Variants in FUT8 observed in about 807,000 individuals in gnomAD.
FUT8 encodes the protein alpha-(1,6)-fucosyltransferase.
Under a neutral mutation model 71.3 loss-of-function variants are expected in FUT8, and 29 were observed. The ratio of observed to expected loss-of-function variants is 0.41; its 90% CI spans 0.30 to 0.55. FUT8 has a LOEUF of 0.55. FUT8 is among the 20% of genes least tolerant of loss of function. The pLI is 0.34. For synonymous variants in FUT8, 254 were observed against 239.3 expected, an observed-to-expected ratio of 1.06 and a Z score of -0.57; for missense variants, 544 against 702.1, an observed-to-expected ratio of 0.77 and a Z score of 2.55.
chr14:65,636,315 A>ATTT (rs56786117), intron 6 of FUT8, among the ~76,000 whole-genome samples: 2,563 of 132,200 alleles, frequency 0.019, 72 homozygotes, highest in African/African-American at 0.061. Flanking sequence ...TATCTTTTGT[A>ATTT]TTTTTTTTTT....
At chr14:65,501,264 G>T (rs574060414) in intron 2 of FUT8, among the ~76,000 whole-genome samples, 1 of 152,300 alleles carries the variant, frequency 6.6e-6, no homozygotes, top group East Asian at 1.9e-4. Flanking sequence ...TTAATACAGG[G>T]AAGGGATTAT....
intron 10 of FUT8, among the ~76,000 whole-genome samples, chr14:65,736,584 G>T (rs991173033): frequency 6.6e-6 from 1 of 151,878 alleles, no homozygotes; most frequent in African/African-American, 2.4e-5. Context: ...AGAAACAAAA[G>T]TTCTTCATTC....
intron 9 of FUT8, among the ~76,000 whole-genome samples, chr14:65,727,643 G>A (rs920593102): frequency 6.6e-6 from 1 of 152,100 alleles, no homozygotes; most frequent in African/African-American, 2.4e-5. Context: ...TGCCACAAAG[G>A]TCTCTGACAT....
chr14:65,568,778 T>C (rs1426578255), intron 3 of FUT8, among the ~76,000 whole-genome samples: 1 of 151,636 alleles, frequency 6.6e-6, no homozygotes, highest in Non-Finnish European at 1.5e-5. Flanking sequence ...AATTAAGTTA[T>C]TCAGATTTAT....
intron 2 of FUT8, among the ~76,000 whole-genome samples, chr14:65,549,395 A>G (rs1300600246): frequency 1.3e-5 from 2 of 150,998 alleles, no homozygotes; most frequent in East Asian, 3.9e-4. Context: ...AGCCCCCTGC[A>G]TTTCTTTGTT....
At chr14:65,694,123 T>A (rs1482119628) in intron 7 of FUT8, among the ~76,000 whole-genome samples, 1 of 152,230 alleles carries the variant, frequency 6.6e-6, no homozygotes, top group Non-Finnish European at 1.5e-5. Flanking sequence ...ATTTTACTGA[T>A]ATTTTCAAAG....
chr14:65,414,796 C>T (rs1213259025), intron 1 of FUT8, among the ~76,000 whole-genome samples: 1 of 152,088 alleles, frequency 6.6e-6, no homozygotes, highest in Non-Finnish European at 1.5e-5. Context: ...GCATAGATTG[C>T]AGAAACAGAT....
chr14:65,641,062 A>G (rs993532772), intron 6 of FUT8, among the ~76,000 whole-genome samples: 1 of 152,136 alleles, frequency 6.6e-6, no homozygotes, highest in African/African-American at 2.4e-5. Context: ...AGAGTATACA[A>G]TTTGTTAAGT....
the FUT8 span, among the ~76,000 whole-genome samples, chr14:65,380,321 TC>T: frequency 7.0e-3 from 1,069 of 151,726 alleles, 11 homozygotes; most frequent in African/African-American, 0.025. Flanking sequence ...TTCAATTACC[TC>T]CCCCCGGGTC....
At chr14:65,426,567 G>A (rs929435938) in intron 1 of FUT8, among the ~76,000 whole-genome samples, 1 of 152,166 alleles carries the variant, frequency 6.6e-6, no homozygotes, top group Admixed American at 6.5e-5. Flanking sequence ...TTTTAACAAA[G>A]TCTGTATGGA....
intron 6 of FUT8, among the ~76,000 whole-genome samples, chr14:65,653,783 C>G (rs1019580572): frequency 2.6e-5 from 4 of 152,212 alleles, no homozygotes; most frequent in Admixed American, 6.5e-5. Context: ...AACAATCCTC[C>G]TGCCTTGGCC....
intron 2 of FUT8, among the ~76,000 whole-genome samples, chr14:65,487,564 CA>C (rs745645710): frequency 0.028 from 1,834 of 64,474 alleles, 7 homozygotes; most frequent in Middle Eastern, 0.085. Flanking sequence ...GACTCCGTCT[CA>C]AAAAAAAAAA....
Position 65,627,179 on chromosome 14 carries a change from T to C in FUT8, c.483-2313T>C, listed in dbSNP as rs1205631457. Among the ~76,000 whole-genome samples the C allele has an allele frequency of 6.6e-6, 1 of 152,068 alleles. No homozygotes were observed. The highest frequency in any genetic ancestry group is 2.4e-5 in the African/African-American group (1 of 41,406). ...GTTCATTCTTTTGGAGCTTAAATTC[T>C]AGTAGGGCAGAAAGATAAGAAGTAA... is the stretch of plus-strand genomic sequence containing the variant. On this transcript the variant is annotated intron_variant, in intron 5 of 10. Transcript: ENST00000673929. The surrounding 1 kb of genome is among the most constrained non-coding windows in gnomAD (Gnocchi z 4.0).
At chr14:65,698,759 C>T (rs1039651894) in intron 7 of FUT8, among the ~76,000 whole-genome samples, 1 of 151,978 alleles carries the variant, frequency 6.6e-6, no homozygotes, top group African/African-American at 2.4e-5. Context: ...CTGTTAGGTA[C>T]GGCACGTTAT....
intron 1 of FUT8, among the ~76,000 whole-genome samples, chr14:65,453,557 A>G (rs1178425055): frequency 6.6e-6 from 1 of 151,910 alleles, no homozygotes; most frequent in Non-Finnish European, 1.5e-5. Flanking sequence ...CTCTATTGGG[A>G]TCATTATAGA....
At chr14:65,504,137 G>C (rs1245653060) in intron 2 of FUT8, among the ~76,000 whole-genome samples, 1 of 152,036 alleles carries the variant, frequency 6.6e-6, no homozygotes, top group African/African-American at 2.4e-5. Context: ...AAAACTGCGA[G>C]GCTTTTTTGT....
intron 7 of FUT8, among the ~76,000 whole-genome samples, chr14:65,698,790 A>G (rs570403904): frequency 6.6e-6 from 1 of 152,250 alleles, no homozygotes; most frequent in Admixed American, 6.5e-5. Flanking sequence ...TTATTTATTC[A>G]ATTACGCATT....
At chr14:65,698,704 AT>A (rs571648932) in intron 7 of FUT8, among the ~76,000 whole-genome samples, 11 of 152,174 alleles carry the variant, frequency 7.2e-5, no homozygotes, top group Non-Finnish European at 1.5e-4. Context: ...AGGCTCATCT[AT>A]TGTCTAGGTA....
chr14:65,636,838 A>G (rs1372870759), intron 6 of FUT8, among the ~76,000 whole-genome samples: 1 of 152,188 alleles, frequency 6.6e-6, no homozygotes, highest in Non-Finnish European at 1.5e-5. Context: ...CAAAGTTCAT[A>G]GTTGTCAAAA....
Sources: gnomAD v4.1 joint callset for allele counts (sites outside exome capture counted in the v4.1 genomes callset) on GRCh38, gnomAD v4.1.1 for gene constraint, Gnocchi (gnomAD v3.1) non-coding constraint, MANE v1.5 for transcripts, NCBI Gene and HGNC (gene_info 2026-07-23, HGNC 2026-07-21) for gene names.